Variants in CEP120 observed in about 807,000 individuals in gnomAD.
CEP120 encodes the protein centrosomal protein of 120 kDa.
Under a neutral mutation model 126.5 loss-of-function variants are expected in CEP120, and 113 were observed. The ratio of observed to expected loss-of-function variants is 0.89; its 90% CI spans 0.77 to 1.04. CEP120 has a LOEUF of 1.04. Among genes scored for constraint, CEP120 ranks in the 50% least tolerant of loss-of-function variants. The pLI is 0.00. For synonymous variants in CEP120, 400 were observed against 394.3 expected, an observed-to-expected ratio of 1.01 and a Z score of -0.17; for missense variants, 1,230 against 1,155.7, an observed-to-expected ratio of 1.06 and a Z score of -0.93.
intron 19 of CEP120, among the ~76,000 whole-genome samples, 182 bp downstream of exon 19, chr5:123,349,762 T>G (rs1212049236): frequency 6.6e-6 from 1 of 152,026 alleles, no homozygotes; most frequent in Non-Finnish European, 1.5e-5. Context: ...CACCATCCTC[T>G]CAAAGTGCTA....
In CEP120 at chr5:123,346,356, A is replaced by G. The variant is rs1217586576; in HGVS notation, c.*163T>C. The G allele has an allele frequency of 3.9e-6, 2 of 507,032 alleles. No individual in the cohort carries two copies. Among genetic ancestry groups the G allele is most frequent in the African/African-American group, 3.9e-5 (2 of 51,034 alleles). The allele number at this position is 507,032 out of a possible 1,614,324, so 31.4% of individuals were successfully genotyped here. A position where few individuals can be genotyped will look rare whatever the true frequency, so the allele number is the denominator to read the frequency against. On this transcript the variant is annotated 3_prime_UTR_variant, in exon 20 of 20. Coordinates refer to ENST00000306467, the MANE Select transcript of CEP120 (RefSeq NM_001375405.1). ...AAAACCAGTGTGGGAGAGGTAGCAT[A>G]AAGTAAATAAGATCAAATAAATACT...
At chr5:123,388,048 T>TTAC (rs1246047632) in intron 9 of CEP120, among the ~76,000 whole-genome samples, 2 of 47,770 alleles carry the variant, frequency 4.2e-5, no homozygotes, top group Non-Finnish European at 9.1e-5. Context: ...AGTATTATTA[T>TTAC]TACTTTTTTT....
intron 6 of CEP120, among the ~76,000 whole-genome samples, chr5:123,391,660 C>T (rs1425487766): frequency 6.6e-6 from 1 of 152,046 alleles, no homozygotes; most frequent in Non-Finnish European, 1.5e-5. Flanking sequence ...AAAATTAATG[C>T]ATGAATTTAA....
intron 4 of CEP120, chr5:123,400,899 G>C: frequency 7.1e-7 from 1 of 1,402,044 alleles, no homozygotes. Flanking sequence ...GGGTAGGCTG[G>C]GAGGGGCTGC....
In CEP120 at chr5:123,345,427, T is replaced by C. The variant is rs574058264; in HGVS notation, c.*1092A>G. On this transcript the variant is annotated 3_prime_UTR_variant, in exon 20 of 20. Transcript: ENST00000306467. ...TAAAGTATATACTTAATTTTAACTT[T>C]ATTATATTTGGAAATCAGAACTTTT... is the stretch of plus-strand genomic sequence containing the variant. The C allele has an allele frequency of 2.0e-5, 3 of 152,276 alleles. No homozygotes were observed. The highest frequency in any genetic ancestry group is 3.9e-4 in the East Asian group (2 of 5,192). The allele number at this position is 152,276 out of a possible 1,614,324, so 9.4% of individuals were successfully genotyped here.
At chr5:123,419,553 C>CAAAAA (rs566909063) in intron 1 of CEP120, among the ~76,000 whole-genome samples, 1 of 135,258 alleles carries the variant, frequency 7.4e-6, no homozygotes. Flanking sequence ...AAAACAAAAA[C>CAAAAA]AAAAAAAAAA....
At chr5:123,382,228 C>CA in intron 13 of CEP120, 28 bp from the exon 14 acceptor site, 2 of 1,388,488 alleles carry the variant, frequency 1.4e-6, no homozygotes, top group Non-Finnish European at 2.0e-6. Context: ...ATAAAGTCGC[C>CA]AAAAAACCCC....
chr5:123,390,461 C>G, intron 7 of CEP120: 1 of 382,080 alleles, frequency 2.6e-6, no homozygotes, highest in South Asian at 2.3e-5. Context: ...GAGAACTATA[C>G]TCCTAAAGAG....
intron 4 of CEP120, chr5:123,401,901 C>A: frequency 6.4e-7 from 1 of 1,565,248 alleles, no homozygotes; most frequent in Non-Finnish European, 8.7e-7. Context: ...CAGCTGCCGC[C>A]TAAGGTTGTT....
chr5:123,383,988 T>A (rs13153729), intron 11 of CEP120, among the ~76,000 whole-genome samples: 61,824 of 151,896 alleles, frequency 0.41, 12,646 homozygotes, highest in East Asian at 0.48. Context: ...TGAATAAAGT[T>A]AAATGAAGCA....
rs577094750 is a variant in CEP120 at position 123,349,217 on chromosome 5, G to A, written c.2726+727C>T. On this transcript the variant is annotated intron_variant, in intron 19 of 19. Transcript: ENST00000306467. ...TAGTTAAAATGCAATCTCTGGAATC[G>A]GATCTGAACTCTGGCTCCATGATTT... Among the ~76,000 whole-genome samples the A allele has an allele frequency of 2.7e-3, 405 of 152,154 alleles. 3 individuals are homozygous for A. Among genetic ancestry groups the A allele is most frequent in the African/African-American group, 9.4e-3 (391 of 41,508 alleles).
chr5:123,419,539 A>G (rs1432931377), intron 1 of CEP120, among the ~76,000 whole-genome samples: 1 of 118,818 alleles, frequency 8.4e-6, no homozygotes, highest in Non-Finnish European at 1.8e-5. Flanking sequence ...CTCAAAAAAA[A>G]ACAAAAACAA....
At chr5:123,371,889 G>A (rs1770879484) in intron 17 of CEP120, among the ~76,000 whole-genome samples, 1 of 152,078 alleles carries the variant, frequency 6.6e-6, no homozygotes, top group African/African-American at 2.4e-5. Context: ...ATTTTCCTAT[G>A]TATTACCTGT....
intron 7 of CEP120, chr5:123,390,370 T>C (rs1453265863): frequency 2.5e-5 from 15 of 593,922 alleles, no homozygotes; most frequent in East Asian, 3.7e-5. Flanking sequence ...TGCATCCTAA[T>C]GGGTAAGAAG....
In CEP120 at chr5:123,416,221, G is replaced by A. The variant is rs540460970; in HGVS notation, c.207-97C>T. On this transcript the variant is annotated intron_variant, in intron 2 of 19. Coordinates refer to ENST00000306467, the MANE Select transcript of CEP120 (RefSeq NM_001375405.1). ...CTATTATCAAGATACTTATAATTTT[G>A]TTGGATAAAACTGTAACTATTTTAC... is the stretch of plus-strand genomic sequence containing the variant. The A allele has an allele frequency of 1.2e-4, 84 of 727,678 alleles. No individual in the cohort carries two copies. The African/African-American group carries it at 1.2e-3, about 10-fold the overall frequency. 45.1% of individuals were successfully genotyped at this position (727,678 alleles called of 1,614,324 possible). A position where few individuals can be genotyped will look rare whatever the true frequency, so the allele number is the denominator to read the frequency against.
At chr5:123,384,268 A>C (rs551241520) in intron 11 of CEP120, among the ~76,000 whole-genome samples, 1 of 147,362 alleles carries the variant, frequency 6.8e-6, no homozygotes, top group South Asian at 2.2e-4. Context: ...ATACTTTTAG[A>C]GCTAAAATTT....
chr5:123,356,143 G>C (rs9686905), intron 18 of CEP120, among the ~76,000 whole-genome samples: 108,389 of 151,798 alleles, frequency 0.71, 38,820 homozygotes, highest in African/African-American at 0.75. Context: ...CTATATCTCT[G>C]TTTTGGTACC....
chr5:123,356,361 G>A (rs1483655113), intron 18 of CEP120, among the ~76,000 whole-genome samples: 1 of 152,034 alleles, frequency 6.6e-6, no homozygotes, highest in Non-Finnish European at 1.5e-5. Context: ...AACATTCCAT[G>A]CTCATGGGTA....
chr5:123,372,810 T>C (rs1178460865), intron 16 of CEP120, 38 bp from the exon 17 acceptor site: 1 of 1,508,988 alleles, frequency 6.6e-7, no homozygotes, highest in South Asian at 1.2e-5. Context: ...AAAACAATGA[T>C]ATGCAAAGTT....
Sources: allele counts gnomAD v4.1 joint callset (sites outside exome capture counted in the v4.1 genomes callset), GRCh38; gene constraint gnomAD v4.1.1; transcripts MANE v1.5; gene names NCBI Gene and HGNC (gene_info 2026-07-23, HGNC 2026-07-21).